LOXL1: variants seen among roughly 807,000 people sequenced by gnomAD.
LOXL1 encodes lysyl oxidase like 1.
LOXL1 carries 31 observed loss-of-function variants against 62.2 expected under a neutral mutation model. That is an observed-to-expected ratio of 0.50 (90% CI 0.37 to 0.67). The LOEUF (loss-of-function observed/expected upper bound fraction) is 0.67. LOXL1 is among the 30% of genes least tolerant of loss of function. The pLI is 0.00. For missense variants in LOXL1, 775 were observed against 843.4 expected (o/e 0.92, Z 1.00); for synonymous variants, 403 against 384.4 (o/e 1.05, Z -0.56).
Position 73,949,560 on chromosome 15 carries a change from C to T in LOXL1, c.1704C>T (p.Asn568=). The change falls in exon 6 of 7, where the codon AAC becomes AAT. Residue 568 remains asparagine (N), a synonymous_variant. Transcript: ENST00000261921. ...CAGGTCGCTACGTTTCTGCAACAAACTGCAAAATTGTCCAGTAAGAGTTTG... is the reference window on the plus strand; with the variant it reads ...CAGGTCGCTACGTTTCTGCAACAAATTGCAAAATTGTCCAGTAAGAGTTTG... ...HYTGRYVSAT[N]CKIVQS 1 of 1,613,080 alleles carries T rather than the reference C, an allele frequency of 6.2e-7. No homozygotes were observed. The highest frequency in any genetic ancestry group is 8.5e-7 in the Non-Finnish European group (1 of 1,179,032).
At chr15:73,951,717 C>A in intron 6 of LOXL1, 114 bp from the exon 7 acceptor site, 3 of 901,624 alleles carry the variant, frequency 3.3e-6, no homozygotes, top group Non-Finnish European at 4.7e-6. Context: ...GAAATGTAGG[C>A]CCATGCCTGC....
chr15:73,951,805 TTGACCCAC>T lies in LOXL1; in HGVS notation c.1719-23_1719-16del, dbSNP rs1357180821. 1 of 1,543,952 alleles carries T rather than the reference TTGACCCAC, an allele frequency of 6.5e-7. No homozygotes were observed. The highest frequency in any genetic ancestry group is 8.8e-7 in the Non-Finnish European group (1 of 1,140,940). On this transcript the variant is annotated intron_variant, in intron 6 of 6. Coordinates refer to ENST00000261921, the MANE Select transcript of LOXL1 (RefSeq NM_005576.4). Reference sequence around the variant, plus strand: ...CGGGGGCCTACTTTGCAGCCCCTCATTGACCCACTGTCTTTCCTTCCTCAGATCCTGAT... The same window carrying T: ...CGGGGGCCTACTTTGCAGCCCCTCATTGTCTTTCCTTCCTCAGATCCTGAT...
intron 1 of LOXL1, among the ~76,000 whole-genome samples, chr15:73,929,940 T>G (rs1054159442): frequency 2.6e-5 from 4 of 152,284 alleles, no homozygotes; most frequent in Non-Finnish European, 5.9e-5. Context: ...GGCTGTTAGT[T>G]CTTAAGGAAG....
At position 73,948,291 on chromosome 15, in the gene LOXL1, T is replaced by C. The variant is rs558047941; in HGVS notation, c.1602+389T>C. ...CAGATGAGAGGCCCTCAGCTCCTTA[T>C]AGGGACCCCTGCAAAGCCAAGGGCT... is the stretch of plus-strand genomic sequence containing the variant. On this transcript the variant is annotated intron_variant, in intron 5 of 6. Coordinates refer to ENST00000261921, the MANE Select transcript of LOXL1 (RefSeq NM_005576.4). Among the ~76,000 whole-genome samples the C allele has an allele frequency of 2.0e-5, 3 of 152,312 alleles. No homozygotes were observed. The South Asian group carries it at 6.2e-4, about 32-fold the overall frequency.
In LOXL1 at chr15:73,930,742, G is replaced by C. The variant is rs750448878; in HGVS notation, c.1102+2857G>C. ...CTGTCCTGAGCCCAGTTTCTTCCTC[G>C]GGTACCTGTGCCCTCTTCCTTCCTA... On this transcript the variant is annotated intron_variant, in intron 1 of 6. Coordinates refer to ENST00000261921, the MANE Select transcript of LOXL1 (RefSeq NM_005576.4). This position sits in a 1 kb window ranked among gnomAD's most constrained non-coding sequence, Gnocchi z 4.7. Among the ~76,000 whole-genome samples the C allele has an allele frequency of 6.6e-5, 10 of 152,150 alleles. No individual in the cohort carries two copies. The highest frequency in any genetic ancestry group is 1.2e-4 in the Non-Finnish European group (8 of 68,016).
Position 73,945,570 on chromosome 15 carries a change from T to A in LOXL1, c.1212-847T>A, listed in dbSNP as rs886708911. 6.6e-6 allele frequency among the ~76,000 whole-genome samples: 1 copy of A among 152,180 alleles called. No individual in the cohort carries two copies. The highest frequency in any genetic ancestry group is 2.4e-5 in the African/African-American group (1 of 41,448). ...GTGTGTGGGGGAGTGGAAGGGCAGA[T>A]GGGACTAGAAAAGTGAAGAGGCTTT... On this transcript the variant is annotated intron_variant, in intron 2 of 6. Coordinates refer to ENST00000261921, the MANE Select transcript of LOXL1 (RefSeq NM_005576.4). This position sits in a 1 kb window ranked among gnomAD's most constrained non-coding sequence, Gnocchi z 4.3.
rs2068741842 is a variant in LOXL1, at chr15:73,945,567, A to G, written c.1212-850A>G. ...AGGGTGTGTGGGGGAGTGGAAGGGCAGATGGGACTAGAAAAGTGAAGAGGC... is the reference window on the plus strand; with the variant it reads ...AGGGTGTGTGGGGGAGTGGAAGGGCGGATGGGACTAGAAAAGTGAAGAGGC... On this transcript the variant is annotated intron_variant, in intron 2 of 6. Coordinates refer to ENST00000261921, the MANE Select transcript of LOXL1 (RefSeq NM_005576.4). This position sits in a 1 kb window ranked among gnomAD's most constrained non-coding sequence, Gnocchi z 4.3. Among the ~76,000 whole-genome samples the G allele has an allele frequency of 1.3e-5, 2 of 152,232 alleles. No homozygotes were observed. The highest frequency in any genetic ancestry group is 6.5e-5 in the Admixed American group (1 of 15,284).
chr15:73,937,854 G>C (rs2068684907), intron 1 of LOXL1, among the ~76,000 whole-genome samples: 1 of 152,230 alleles, frequency 6.6e-6, no homozygotes, highest in Non-Finnish European at 1.5e-5. Context: ...GGTGCTGGGG[G>C]CTTGGGAGAA....
chr15:73,950,116 C>T (rs918882794), intron 6 of LOXL1, among the ~76,000 whole-genome samples: 2 of 151,988 alleles, frequency 1.3e-5, no homozygotes, highest in African/African-American at 4.8e-5. Flanking sequence ...AGTCCCTAGG[C>T]CCCCATTGTA....
intron 1 of LOXL1, among the ~76,000 whole-genome samples, chr15:73,938,838 G>A (rs66481504): frequency 0.2 from 30,429 of 152,068 alleles, 3,235 homozygotes; most frequent in East Asian, 0.34. Context: ...CCATGTTCAC[G>A]CCACTGCATT....
At chr15:73,938,775 G>C (rs1193010574) in intron 1 of LOXL1, among the ~76,000 whole-genome samples, 2 of 152,152 alleles carry the variant, frequency 1.3e-5, no homozygotes, top group Non-Finnish European at 2.9e-5. Flanking sequence ...CAGGACTTTG[G>C]GAGGCTGAGG....
At chr15:73,931,343 T>G (rs1489906771) in intron 1 of LOXL1, among the ~76,000 whole-genome samples, 8 of 152,062 alleles carry the variant, frequency 5.3e-5, no homozygotes, top group Non-Finnish European at 1.2e-4. Context: ...TTGCTCCCAG[T>G]CTCTCCCTCT....
At chr15:73,947,444 G>A (rs2068756024) in intron 4 of LOXL1, 3 of 529,554 alleles carry the variant, frequency 5.7e-6, no homozygotes, top group Non-Finnish European at 1.0e-5. Flanking sequence ...TGATCTGCTC[G>A]TGGAGAGAAG....
intron 1 of LOXL1, among the ~76,000 whole-genome samples, chr15:73,933,451 T>C (rs1258339977): frequency 6.6e-6 from 1 of 152,206 alleles, no homozygotes; most frequent in Non-Finnish European, 1.5e-5. Context: ...TTGCCTCAAG[T>C]TTGCGGGCCC....
chr15:73,942,813 C>A, intron 1 of LOXL1, 41 bp from the exon 2 acceptor site: 1 of 1,249,740 alleles, frequency 8.0e-7, no homozygotes, highest in Non-Finnish European at 1.2e-6. Flanking sequence ...CAATGTCATG[C>A]TCTTCCTCCC....
chr15:73,926,582 C>CCCCTG lies in LOXL1; in HGVS notation c.-191_-187dup, dbSNP rs1349358862. 4 of 521,704 alleles carry CCCCTG rather than the reference C, an allele frequency of 7.7e-6. No individual in the cohort carries two copies. The highest frequency in any genetic ancestry group is 1.2e-5 in the Non-Finnish European group (4 of 328,888). The allele number at this position is 521,704 out of a possible 1,614,324, so 32.3% of individuals were successfully genotyped here. On this transcript the variant is annotated 5_prime_UTR_variant, in exon 1 of 7. Coordinates refer to ENST00000261921, the MANE Select transcript of LOXL1 (RefSeq NM_005576.4). Reference sequence around the variant, plus strand: ...GAGCCTCGTGCAGCCCTGGGCACCGCCCCTGCCCTGCCCTGACCCCTTGGC... The same window carrying CCCCTG: ...GAGCCTCGTGCAGCCCTGGGCACCGCCCCTGCCCTGCCCTGCCCTGACCCCTTGGC...
intron 1 of LOXL1, among the ~76,000 whole-genome samples, chr15:73,933,207 A>G (rs1359834314): frequency 6.6e-6 from 1 of 152,244 alleles, no homozygotes; most frequent in African/African-American, 2.4e-5. Flanking sequence ...TAGTATTATC[A>G]GCTCTATTTT....
At chr15:73,934,221 C>T (rs1246602684) in intron 1 of LOXL1, among the ~76,000 whole-genome samples, 1 of 152,258 alleles carries the variant, frequency 6.6e-6, no homozygotes, top group Non-Finnish European at 1.5e-5. Context: ...CGATTCCAGA[C>T]CCTGCTTGAC....
chr15:73,927,296 C>G lies in LOXL1; in HGVS notation c.513C>G (p.Pro171=). Residue 171 remains proline, a synonymous_variant, in exon 1 of 7, where the codon CCC becomes CCG. Coordinates refer to ENST00000261921, the MANE Select transcript of LOXL1 (RefSeq NM_005576.4). The part of the protein sequence containing the change: ...SAFASTYRQQ[P]SYPQQFPYPQ... The stretch of plus-strand genomic sequence containing the variant: ...TCGCCAGCACCTACCGCCAGCAGCC[C>G]TCCTACCCGCAGCAGTTCCCCTACC... 1 of 1,603,588 alleles carries G rather than the reference C, an allele frequency of 6.2e-7. No homozygotes were observed. Among genetic ancestry groups the G allele is most frequent in the South Asian group, 1.1e-5 (1 of 90,084 alleles).
Sources: allele counts gnomAD v4.1 joint callset (sites outside exome capture counted in the v4.1 genomes callset), GRCh38; gene constraint gnomAD v4.1.1; non-coding constraint Gnocchi (gnomAD v3.1); transcripts MANE v1.5; gene names NCBI Gene and HGNC (gene_info 2026-07-23, HGNC 2026-07-21).